The following MCTP2 variants were observed in gnomAD, a reference collection of about 807,000 sequenced individuals.
MCTP2 encodes multiple C2 and transmembrane domain-containing protein 2.
A neutral mutation model predicts 111.6 loss-of-function variants in MCTP2; 132 were observed. The observed-to-expected ratio is 1.18, with a 90% CI of 1.03 to 1.37. The LOEUF (loss-of-function observed/expected upper bound fraction) is 1.37, where lower values mean the gene tolerates loss of function less well. MCTP2 is among the 40% of genes most tolerant of loss of function. MCTP2 has a pLI of 0.00. For synonymous variants in MCTP2, 395 were observed against 387.7 expected (o/e 1.02, Z -0.22); for missense variants, 1,183 against 1,067.9 (o/e 1.11, Z -1.50).
chr15:94,414,450 A>T (rs2082288862), intron 17 of MCTP2, among the ~76,000 whole-genome samples: 1 of 152,174 alleles, frequency 6.6e-6, no homozygotes, highest in Admixed American at 6.6e-5. Context: ...TTAGCAGCTG[A>T]CCAAAATCTA....
rs143840766 is a variant in MCTP2, at chr15:94,349,442, G to A, written c.1005+4278G>A. 2.4e-3 allele frequency among the ~76,000 whole-genome samples: 361 copies of A among 152,252 alleles called. 1 individual carries two copies. The highest frequency in any genetic ancestry group is 6.4e-3 in the African/African-American group (264 of 41,544). ...CTCAGTCATCAGAATTGATGAGCAGGTAAGAGAAATGAGAATTAGTGACGG... is the reference window on the plus strand; with the variant it reads ...CTCAGTCATCAGAATTGATGAGCAGATAAGAGAAATGAGAATTAGTGACGG... On this transcript the variant is annotated intron_variant, in intron 8 of 22. Coordinates refer to ENST00000357742, the MANE Select transcript of MCTP2 (RefSeq NM_001385001.1).
At chr15:94,244,273 CACATAT>C (rs1444604896) in intron 1 of MCTP2, among the ~76,000 whole-genome samples, 1 of 142,250 alleles carries the variant, frequency 7.0e-6, no homozygotes, top group Non-Finnish European at 1.5e-5. Context: ...TTTATATACA[CACATAT>C]ATACACATAC....
chr15:94,245,138 ATT>A (rs1318221334), intron 1 of MCTP2, among the ~76,000 whole-genome samples: 2 of 148,722 alleles, frequency 1.3e-5, no homozygotes, highest in African/African-American at 4.9e-5. Flanking sequence ...ATGTGTATAT[ATT>A]TATACACACA....
intron 1 of MCTP2, among the ~76,000 whole-genome samples, chr15:94,297,682 T>C (rs942061983): frequency 1.3e-5 from 2 of 152,202 alleles, no homozygotes; most frequent in African/African-American, 4.8e-5. Flanking sequence ...TTAGGTATTC[T>C]GTCTGTCTCC....
At chr15:94,460,621 C>T (rs961183833) in intron 20 of MCTP2, among the ~76,000 whole-genome samples, 5 of 152,146 alleles carry the variant, frequency 3.3e-5, no homozygotes, top group African/African-American at 9.7e-5. Flanking sequence ...ACTGTTGTGC[C>T]GTTGATAATG....
At chr15:94,412,517 A>G (rs1342820778) in intron 17 of MCTP2, among the ~76,000 whole-genome samples, 1 of 152,188 alleles carries the variant, frequency 6.6e-6, no homozygotes, top group Non-Finnish European at 1.5e-5. Flanking sequence ...AACGATGATC[A>G]CAATGATGAC....
At chr15:94,368,844 A>G (rs1043660142) in intron 11 of MCTP2, among the ~76,000 whole-genome samples, 1 of 152,244 alleles carries the variant, frequency 6.6e-6, no homozygotes, top group African/African-American at 2.4e-5. Context: ...AACATTAGAT[A>G]CCATCATAAT....
chr15:94,243,777 A>G (rs1349842465), intron 1 of MCTP2, among the ~76,000 whole-genome samples: 12 of 148,022 alleles, frequency 8.1e-5, no homozygotes, highest in Non-Finnish European at 1.2e-4. Context: ...ATATTTATGA[A>G]CATATATATG....
intron 10 of MCTP2, among the ~76,000 whole-genome samples, chr15:94,364,732 A>C (rs2079101645): frequency 6.6e-6 from 1 of 152,170 alleles, no homozygotes; most frequent in African/African-American, 2.4e-5. Flanking sequence ...GTTAAAAAAA[A>C]TTCTGTTGCT....
At chr15:94,448,402 C>T (rs142077966) in intron 19 of MCTP2, among the ~76,000 whole-genome samples, 201 of 152,270 alleles carry the variant, frequency 1.3e-3, no homozygotes, top group African/African-American at 4.6e-3. Context: ...CTTCTCTTAG[C>T]GAATGTGCAT....
intron 4 of MCTP2, among the ~76,000 whole-genome samples, chr15:94,320,755 A>G (rs1373224340): frequency 1.3e-5 from 2 of 152,218 alleles, no homozygotes; most frequent in Non-Finnish European, 2.9e-5. Context: ...ACTTTCATAT[A>G]GGTCACCTGG....
intron 1 of MCTP2, among the ~76,000 whole-genome samples, chr15:94,291,473 T>C (rs1439632954): frequency 6.6e-6 from 1 of 152,106 alleles, no homozygotes; most frequent in Non-Finnish European, 1.5e-5. Flanking sequence ...TGGTGGCATA[T>C]GCCTGTAATC....
chr15:94,397,239 T>G (rs1477082688), intron 14 of MCTP2, among the ~76,000 whole-genome samples: 2 of 152,216 alleles, frequency 1.3e-5, no homozygotes, highest in Non-Finnish European at 2.9e-5. Context: ...GCTGACACAA[T>G]GTGAGGGACA....
chr15:94,392,728 A>G (rs1461918126), intron 14 of MCTP2, among the ~76,000 whole-genome samples: 3 of 151,962 alleles, frequency 2.0e-5, no homozygotes. Context: ...GGGCAGGAGA[A>G]TCGCCTGAAC....
At chr15:94,365,527 T>C (rs540727067) in intron 10 of MCTP2, among the ~76,000 whole-genome samples, 2 of 152,336 alleles carry the variant, frequency 1.3e-5, no homozygotes, top group African/African-American at 2.4e-5. Context: ...GACAAACTGC[T>C]CTGTTCCAAT....
intron 17 of MCTP2, among the ~76,000 whole-genome samples, chr15:94,423,868 GTATGCACACATA>G (rs1362718693): frequency 6.6e-6 from 1 of 152,182 alleles, no homozygotes; most frequent in East Asian, 1.9e-4. Flanking sequence ...GTAAAACGAT[GTATGCACACATA>G]TATGCAGTTT....
At chr15:94,235,177 G>A (rs563585990) in intron 1 of MCTP2, among the ~76,000 whole-genome samples, 1 of 152,096 alleles carries the variant, frequency 6.6e-6, no homozygotes, top group Non-Finnish European at 1.5e-5. Flanking sequence ...CTTGAACTTG[G>A]GAGGCGGAGG....
At chr15:94,354,176 C>A (rs939821722) in intron 8 of MCTP2, among the ~76,000 whole-genome samples, 2 of 152,004 alleles carry the variant, frequency 1.3e-5, no homozygotes, top group South Asian at 4.1e-4. Context: ...ATAGTTCTTT[C>A]TTTTTAAAAT....
At chr15:94,272,739 T>C (rs930620746) in intron 1 of MCTP2, among the ~76,000 whole-genome samples, 2 of 151,808 alleles carry the variant, frequency 1.3e-5, no homozygotes, top group East Asian at 1.9e-4. Context: ...TATTTTTTTT[T>C]CCCCTCTCTG....
Sources: allele counts gnomAD v4.1 joint callset (sites outside exome capture counted in the v4.1 genomes callset), GRCh38; gene constraint gnomAD v4.1.1; transcripts MANE v1.5; gene names NCBI Gene and HGNC (gene_info 2026-07-23, HGNC 2026-07-21).